The following CSGALNACT1 variants were observed in gnomAD, a reference collection of about 807,000 sequenced individuals.
The protein encoded by CSGALNACT1 is chondroitin sulfate N-acetylgalactosaminyltransferase 1.
In CSGALNACT1, 52 loss-of-function variants were observed where a neutral mutation model predicts 51.0. That is an observed-to-expected ratio of 1.02 (90% CI 0.82 to 1.29). CSGALNACT1 has a LOEUF of 1.29. Ranked by LOEUF, CSGALNACT1 falls within the 50% of genes most tolerant of loss-of-function variation. The pLI, the probability that CSGALNACT1 is intolerant of heterozygous loss-of-function variation, is 0.00. For missense variants in CSGALNACT1, 935 were observed against 679.2 expected, an observed-to-expected ratio of 1.38 and a Z score of -4.19; for synonymous variants, 341 against 254.4, an observed-to-expected ratio of 1.34 and a Z score of -3.24.
At chr8:19,442,921 G>A (rs2061551673) in intron 5 of CSGALNACT1, among the ~76,000 whole-genome samples, 1 of 152,098 alleles carries the variant, frequency 6.6e-6, no homozygotes, top group Non-Finnish European at 1.5e-5. Context: ...ACTATCTGAG[G>A]AAATGGCAAG....
chr8:19,637,390 G>C (rs1336789203), intron 1 of CSGALNACT1, among the ~76,000 whole-genome samples: 1 of 152,012 alleles, frequency 6.6e-6, no homozygotes, highest in African/African-American at 2.4e-5. Flanking sequence ...ATATGCACTT[G>C]GGAAGATTTT....
intron 8 of CSGALNACT1, among the ~76,000 whole-genome samples, chr8:19,408,949 AACAC>A (rs5889870): frequency 3.5e-5 from 5 of 142,214 alleles, no homozygotes; most frequent in Admixed American, 7.0e-5. Context: ...TAGATATGAA[AACAC>A]ACACACACAC....
intron 1 of CSGALNACT1, among the ~76,000 whole-genome samples, chr8:19,659,937 G>A (rs916973089): frequency 2.4e-4 from 36 of 152,176 alleles, no homozygotes; most frequent in African/African-American, 8.7e-4. Flanking sequence ...CACATTTACC[G>A]AATACTTATT....
chr8:19,507,725 T>A (rs781063219), intron 3 of CSGALNACT1, among the ~76,000 whole-genome samples: 12 of 152,170 alleles, frequency 7.9e-5, no homozygotes, highest in Admixed American at 7.2e-4. Context: ...CCTCCTGGGT[T>A]CAAGCGATTC....
intron 1 of CSGALNACT1, among the ~76,000 whole-genome samples, chr8:19,612,210 G>A (rs1247668737): frequency 6.6e-6 from 1 of 152,052 alleles, no homozygotes; most frequent in African/African-American, 2.4e-5. Flanking sequence ...GAGCGTGATG[G>A]CACATGCCTG....
intron 3 of CSGALNACT1, among the ~76,000 whole-genome samples, chr8:19,516,147 A>G (rs959391070): frequency 1.3e-5 from 2 of 152,114 alleles, no homozygotes; most frequent in African/African-American, 4.8e-5. Flanking sequence ...CTTAGTGAGC[A>G]TTTACGTTGG....
At chr8:19,472,866 T>C (rs1463925817) in intron 4 of CSGALNACT1, among the ~76,000 whole-genome samples, 1 of 152,246 alleles carries the variant, frequency 6.6e-6, no homozygotes. Context: ...TATGGAATAA[T>C]ACTTCTTCAT....
intron 1 of CSGALNACT1, among the ~76,000 whole-genome samples, chr8:19,672,497 C>T (rs1167296069): frequency 6.6e-6 from 1 of 152,170 alleles, no homozygotes; most frequent in Non-Finnish European, 1.5e-5. Flanking sequence ...AAGTATTTCC[C>T]TGAATGCCTT....
chr8:19,610,582 G>A (rs1029076862), intron 1 of CSGALNACT1, among the ~76,000 whole-genome samples: 1 of 152,100 alleles, frequency 6.6e-6, no homozygotes, highest in Non-Finnish European at 1.5e-5. Context: ...GCACCGGCAG[G>A]CGCCAGCAGG....
chr8:19,681,397 C>G (rs1168518179), intron 1 of CSGALNACT1, among the ~76,000 whole-genome samples: 1 of 152,072 alleles, frequency 6.6e-6, no homozygotes, highest in African/African-American at 2.4e-5. Context: ...ATCTGTCCTT[C>G]GCGCCCCCAT....
In CSGALNACT1 at chr8:19,713,958, C is replaced by G. The variant is rs1245606959; in HGVS notation, c.-297+43892G>C. Among the ~76,000 whole-genome samples the G allele has an allele frequency of 5.3e-5, 8 of 152,316 alleles. No homozygotes were observed. In the East Asian group the frequency reaches 1.5e-3, roughly 29 times the overall value. On this transcript the variant is annotated intron_variant, in intron 1 of 1. Transcript: ENST00000517494. Reference sequence around the variant, plus strand: ...TAGGAAATGCCTTTCTCTGATCCTGCTGAAGACCTGTGTCCTACTTTACTC... The same window carrying G: ...TAGGAAATGCCTTTCTCTGATCCTGGTGAAGACCTGTGTCCTACTTTACTC...
chr8:19,649,705 G>A (rs1043612829), intron 1 of CSGALNACT1, among the ~76,000 whole-genome samples: 1 of 151,016 alleles, frequency 6.6e-6, no homozygotes, highest in Non-Finnish European at 1.5e-5. Context: ...ACTGCCATGG[G>A]TGAGGGTTGA....
chr8:19,555,676 G>A (rs145021145), intron 3 of CSGALNACT1, among the ~76,000 whole-genome samples: 5 of 152,166 alleles, frequency 3.3e-5, no homozygotes, highest in Admixed American at 3.3e-4. Flanking sequence ...TACATCTTCA[G>A]ACTTCACTTA....
At chr8:19,666,892 AGG>A (rs532832706) in intron 1 of CSGALNACT1, among the ~76,000 whole-genome samples, 1,418 of 136,168 alleles carry the variant, frequency 0.01, 79 homozygotes, top group South Asian at 0.022. Flanking sequence ...AAAGAGAGAG[AGG>A]AAGTGAGGAA....
intron 1 of CSGALNACT1, among the ~76,000 whole-genome samples, chr8:19,679,122 C>T (rs1265255030): frequency 1.3e-5 from 2 of 152,156 alleles, no homozygotes; most frequent in Non-Finnish European, 2.9e-5. Flanking sequence ...AGGAACTCTT[C>T]TTAAAGGTAA....
intron 3 of CSGALNACT1, among the ~76,000 whole-genome samples, chr8:19,567,455 T>C (rs1354862318): frequency 1.3e-5 from 2 of 152,196 alleles, no homozygotes; most frequent in African/African-American, 4.8e-5. Flanking sequence ...AAACTCATCA[T>C]CCACCAGAAA....
At chr8:19,697,415 C>T (rs974010226) in intron 1 of CSGALNACT1, among the ~76,000 whole-genome samples, 1 of 152,026 alleles carries the variant, frequency 6.6e-6, no homozygotes, top group Non-Finnish European at 1.5e-5. Context: ...AAGAACAGTA[C>T]GGGGCTGTTC....
chr8:19,467,036 T>C (rs191051285), intron 4 of CSGALNACT1, among the ~76,000 whole-genome samples: 56 of 151,960 alleles, frequency 3.7e-4, no homozygotes, highest in Admixed American at 1.9e-3. Context: ...CAGTATCTGG[T>C]TCCTAATCCA....
chr8:19,670,097 T>C (rs551462506), intron 1 of CSGALNACT1, among the ~76,000 whole-genome samples: 1 of 152,328 alleles, frequency 6.6e-6, no homozygotes, highest in Admixed American at 6.5e-5. Context: ...CCCTGCACAT[T>C]TGCCTGTCCC....
Sources: allele counts gnomAD v4.1 joint callset (sites outside exome capture counted in the v4.1 genomes callset), GRCh38; gene constraint gnomAD v4.1.1; transcripts MANE v1.5; gene names NCBI Gene and HGNC (gene_info 2026-07-23, HGNC 2026-07-21).